Variants in LINGO2 observed in about 807,000 individuals in gnomAD.
LINGO2 encodes the protein leucine-rich repeat and immunoglobulin-like domain-containing nogo receptor-interacting protein 2.
LINGO2 carries 14 observed loss-of-function variants against 30.6 expected under a neutral mutation model. The ratio of observed to expected loss-of-function variants is 0.46; its 90% CI spans 0.30 to 0.72. The LOEUF (loss-of-function observed/expected upper bound fraction) is 0.72. Ranked by LOEUF, LINGO2 falls within the 30% of genes least tolerant of loss-of-function variation. The pLI, the probability that LINGO2 is intolerant of heterozygous loss-of-function variation, is 0.07. For synonymous variants in LINGO2, 317 were observed against 288.5 expected (o/e 1.10, Z -1.00); for missense variants, 729 against 751.7 (o/e 0.97, Z 0.35).
chr9:28,800,153 A>G, the LINGO2 span, among the ~76,000 whole-genome samples: 1 of 152,064 alleles, frequency 6.6e-6, no homozygotes, highest in Non-Finnish European at 1.5e-5. Context: ...GATTCATAGC[A>G]TCTTTCTATA....
intron 4 of LINGO2, among the ~76,000 whole-genome samples, chr9:28,279,073 G>A (rs1041721003): frequency 2.0e-5 from 3 of 152,178 alleles, no homozygotes; most frequent in Admixed American, 1.3e-4. Flanking sequence ...GAAATAGCAA[G>A]AGAATTAGAA....
the LINGO2 span, among the ~76,000 whole-genome samples, chr9:29,177,091 T>C: frequency 6.6e-6 from 1 of 152,174 alleles, no homozygotes; most frequent in Non-Finnish European, 1.5e-5. Flanking sequence ...AAAGTATAGG[T>C]CAGCAAGTCT....
chr9:28,786,926 T>G, the LINGO2 span, among the ~76,000 whole-genome samples: 1 of 152,328 alleles, frequency 6.6e-6, no homozygotes, highest in Non-Finnish European at 1.5e-5. Context: ...GGGCATTTTT[T>G]ATTTCCCCTC....
At chr9:28,492,414 C>G (rs1413604728) in intron 1 of LINGO2, among the ~76,000 whole-genome samples, 1 of 152,130 alleles carries the variant, frequency 6.6e-6, no homozygotes, top group East Asian at 1.9e-4. Flanking sequence ...TCCAAAAGTA[C>G]AGCAAAGTAT....
At chr9:29,208,947 T>TA in the LINGO2 span, among the ~76,000 whole-genome samples, 1 of 152,162 alleles carries the variant, frequency 6.6e-6, no homozygotes, top group African/African-American at 2.4e-5. Context: ...TAAGAATAGA[T>TA]ACAGCAACTG....
At chr9:28,092,312 A>G (rs1226908060) in intron 4 of LINGO2, among the ~76,000 whole-genome samples, 1 of 152,226 alleles carries the variant, frequency 6.6e-6, no homozygotes, top group African/African-American at 2.4e-5. Context: ...TCCATCAATG[A>G]TAGACTGGAT....
intron 3 of LINGO2, among the ~76,000 whole-genome samples, chr9:28,316,532 A>G (rs1824852854): frequency 6.6e-6 from 1 of 152,186 alleles, no homozygotes; most frequent in African/African-American, 2.4e-5. Flanking sequence ...AAAAACTTTG[A>G]AAACTTCTAT....
chr9:28,502,185 G>A (rs976364058), intron 1 of LINGO2, among the ~76,000 whole-genome samples: 7 of 148,660 alleles, frequency 4.7e-5, no homozygotes, highest in African/African-American at 1.5e-4. Flanking sequence ...CATTTCTGTG[G>A]CATCGCACAA....
At chr9:28,686,244 T>C in the LINGO2 span, among the ~76,000 whole-genome samples, 4 of 152,144 alleles carry the variant, frequency 2.6e-5, no homozygotes, top group East Asian at 7.7e-4. Flanking sequence ...CTAAGTGTAA[T>C]ATAATGCAAA....
rs368602303 is a variant in LINGO2, at chr9:28,444,439, G to A, written c.-279+31501C>T. Among the ~76,000 whole-genome samples the A allele has an allele frequency of 4.3e-4, 66 of 152,324 alleles. 1 individual carries two copies. The East Asian group carries it at 6.4e-3, about 15-fold the overall frequency. ...GTTGTGGGCCAGAACGAGGCAGCAG[G>A]ACTAAAAGAGCTGTAACACAAATGG... On this transcript the variant is annotated intron_variant, in intron 2 of 5. Coordinates refer to ENST00000379992, the Ensembl canonical transcript of LINGO2.
intron 2 of LINGO2, among the ~76,000 whole-genome samples, chr9:28,387,840 C>T (rs538230450): frequency 3.3e-5 from 5 of 152,172 alleles, no homozygotes; most frequent in Admixed American, 6.5e-5. Flanking sequence ...AGCGAGACCA[C>T]GAACCCACCA....
rs143598092 is a variant in LINGO2 at position 28,343,407 on chromosome 9, G to C, written c.-246+29429C>G. On this transcript the variant is annotated intron_variant, in intron 3 of 5. Coordinates refer to ENST00000379992, the Ensembl canonical transcript of LINGO2. ...TCTTGGACTGCAGAGCTACGGGTCT[G>C]CCTATTCTGTATTGAAATTAGTATA... Among the ~76,000 whole-genome samples the C allele has an allele frequency of 5.9e-3, 898 of 152,280 alleles. 7 individuals carry two copies. Among genetic ancestry groups the C allele is most frequent in the African/African-American group, 0.021 (862 of 41,568 alleles).
chr9:29,123,773 T>C, the LINGO2 span, among the ~76,000 whole-genome samples: 1 of 152,052 alleles, frequency 6.6e-6, no homozygotes, highest in Non-Finnish European at 1.5e-5. Context: ...AACTTAAATA[T>C]TTATAAAATT....
chr9:28,303,694 A>G (rs1169585381), intron 3 of LINGO2, among the ~76,000 whole-genome samples: 1 of 152,134 alleles, frequency 6.6e-6, no homozygotes. Context: ...AACCATGAGG[A>G]AGAAAAAGGT....
At chr9:29,014,821 T>TA in the LINGO2 span, among the ~76,000 whole-genome samples, 1 of 152,162 alleles carries the variant, frequency 6.6e-6, no homozygotes, top group Non-Finnish European at 1.5e-5. Flanking sequence ...AGTATGAATG[T>TA]AAAAAATGTT....
At chr9:28,894,324 A>C in the LINGO2 span, among the ~76,000 whole-genome samples, 1 of 152,102 alleles carries the variant, frequency 6.6e-6, no homozygotes, top group East Asian at 1.9e-4. Context: ...TGCTATTTAT[A>C]TATTTTATCA....
the LINGO2 span, among the ~76,000 whole-genome samples, chr9:28,849,788 T>G: frequency 1.9e-3 from 289 of 152,142 alleles, 1 homozygote; most frequent in African/African-American, 6.9e-3. Flanking sequence ...TTAGATCACA[T>G]TTCTTCCAGG....
chr9:29,154,603 T>A, the LINGO2 span, among the ~76,000 whole-genome samples: 4 of 152,128 alleles, frequency 2.6e-5, no homozygotes, highest in East Asian at 7.7e-4. Context: ...CTGGTGGAGT[T>A]CCTTTGAAAC....
the LINGO2 span, among the ~76,000 whole-genome samples, chr9:29,015,234 C>T: frequency 2.0e-5 from 3 of 152,146 alleles, no homozygotes; most frequent in Non-Finnish European, 4.4e-5. Context: ...CCCTAAATGA[C>T]TTGACTTCAC....
Sources: allele counts gnomAD v4.1 joint callset (sites outside exome capture counted in the v4.1 genomes callset), GRCh38; gene constraint gnomAD v4.1.1; transcripts MANE v1.5; gene names NCBI Gene and HGNC (gene_info 2026-07-23, HGNC 2026-07-21).